The following SKA2 variants were observed in gnomAD, a reference collection of about 807,000 sequenced individuals.
The protein encoded by SKA2 is spindle and kinetochore associated complex subunit 2, also known as spindle and kinetochore-associated protein 2.
A neutral mutation model predicts 16.9 loss-of-function variants in SKA2; 13 were observed. The observed-to-expected ratio is 0.77, with a 90% CI of 0.50 to 1.22. SKA2 has a LOEUF of 1.22. SKA2 is among the 50% of genes most tolerant of loss of function. The pLI is 0.00. For missense variants in SKA2, 107 were observed against 139.7 expected, an observed-to-expected ratio of 0.77 and a Z score of 1.18; for synonymous variants, 47 against 48.5, an observed-to-expected ratio of 0.97 and a Z score of 0.13.
chr17:59,125,889 C>G (rs138555714), intron 2 of SKA2, among the ~76,000 whole-genome samples: 1,830 of 151,878 alleles, frequency 0.012, 18 homozygotes, highest in Middle Eastern at 0.041. Context: ...TTATGTTTCT[C>G]TGCCGGGCGT....
At chr17:59,125,147 A>ATTTT (rs10719455) in intron 2 of SKA2, among the ~76,000 whole-genome samples, 2 of 95,942 alleles carry the variant, frequency 2.1e-5, no homozygotes, top group African/African-American at 4.0e-5. Context: ...CTAATTTTGT[A>ATTTT]TTTTTTTTTT....
rs118106150 is a variant in SKA2 at position 59,144,739 on chromosome 17, G to A, written c.33+10392C>T. On this transcript the variant is annotated intron_variant, in intron 1 of 3. Transcript: ENST00000330137. ...GTAGTCTAAATCATAGAGACAGATA[G>A]TAGAATGGTAGTTGCTAGACGCTGG... Among the ~76,000 whole-genome samples, 29 of 152,288 alleles carry A rather than the reference G, an allele frequency of 1.9e-4. 1 individual carries two copies. The East Asian group carries it at 5.4e-3, about 28-fold the overall frequency.
chr17:59,126,262 T>G (rs561787974), intron 2 of SKA2, among the ~76,000 whole-genome samples: 5 of 152,172 alleles, frequency 3.3e-5, no homozygotes, highest in Non-Finnish European at 7.3e-5. Flanking sequence ...TAATAGAAAC[T>G]TATAGTTTCT....
intron 2 of SKA2, among the ~76,000 whole-genome samples, chr17:59,126,058 C>A (rs919271769): frequency 2.0e-5 from 3 of 151,950 alleles, no homozygotes; most frequent in Non-Finnish European, 4.4e-5. Context: ...GTAGTCCCAG[C>A]TACTCGGGAG....
At chr17:59,137,162 G>A (rs564421294) in intron 1 of SKA2, among the ~76,000 whole-genome samples, 37 of 152,118 alleles carry the variant, frequency 2.4e-4, no homozygotes, top group African/African-American at 8.0e-4. Context: ...GACTACAGAC[G>A]TGCACTACCA....
At chr17:59,141,132 C>A (rs536714137) in intron 1 of SKA2, among the ~76,000 whole-genome samples, 1 of 151,914 alleles carries the variant, frequency 6.6e-6, no homozygotes, top group Non-Finnish European at 1.5e-5. Flanking sequence ...GGCACAGTGG[C>A]GCATGCCTAT....
chr17:59,138,277 A>AT (rs1568308298), intron 1 of SKA2, among the ~76,000 whole-genome samples: 1 of 151,786 alleles, frequency 6.6e-6, no homozygotes, highest in Admixed American at 6.6e-5. Flanking sequence ...TAGATTTCTG[A>AT]TTTTTTCCTC....
intron 1 of SKA2, among the ~76,000 whole-genome samples, chr17:59,145,983 C>T (rs2046529259): frequency 6.7e-6 from 1 of 149,842 alleles, no homozygotes; most frequent in South Asian, 2.1e-4. Flanking sequence ...GAGTGAGACC[C>T]TATCTCAAAA....
At chr17:59,143,853 A>G (rs564706529) in intron 1 of SKA2, among the ~76,000 whole-genome samples, 1 of 152,308 alleles carries the variant, frequency 6.6e-6, no homozygotes, top group Non-Finnish European at 1.5e-5. Flanking sequence ...ATATGAATTT[A>G]AAATGATTAA....
chr17:59,119,839 A>G (rs2046320782), intron 2 of SKA2, among the ~76,000 whole-genome samples: 1 of 152,198 alleles, frequency 6.6e-6, no homozygotes, highest in Non-Finnish European at 1.5e-5. Context: ...TCTAAATGCT[A>G]TTCAGAAGAA....
At chr17:59,143,161 G>A (rs9893031) in intron 1 of SKA2, among the ~76,000 whole-genome samples, 209 of 151,908 alleles carry the variant, frequency 1.4e-3, no homozygotes, top group African/African-American at 5.0e-3. Flanking sequence ...AATATATAAT[G>A]GTTTTAATCA....
chr17:59,121,369 G>A (rs1463796065), intron 2 of SKA2, among the ~76,000 whole-genome samples: 1 of 151,932 alleles, frequency 6.6e-6, no homozygotes, highest in African/African-American at 2.4e-5. Flanking sequence ...AGAAATCCCA[G>A]AAATGCCGGG....
rs2046410466 is a variant in SKA2 at position 59,131,326 on chromosome 17, C to G, written c.75G>C (p.Arg25Ser). ...GATTAGTCTTGATTTCATATTCCAG[C>G]CTGTATTGAATGTAATCCAGATCAG... ...AESDLDYIQYRLEYEIKTNHP... is the reference protein window; with the variant it reads ...AESDLDYIQYSLEYEIKTNHP... Residue 25 changes from arginine to serine, a missense_variant, in exon 2 of 4, where the codon AGG becomes AGC. Transcript: ENST00000330137. 4 of 1,582,132 alleles carry G rather than the reference C, an allele frequency of 2.5e-6. No homozygotes were observed. The highest frequency in any genetic ancestry group is 1.2e-5 in the South Asian group (1 of 86,402).
chr17:59,121,528 G>A (rs2046333789), intron 2 of SKA2, among the ~76,000 whole-genome samples: 1 of 150,756 alleles, frequency 6.6e-6, no homozygotes, highest in Non-Finnish European at 1.5e-5. Flanking sequence ...TGTGGTGGGC[G>A]CCTGTAGTCC....
chr17:59,127,997 C>T (rs1393850665), intron 2 of SKA2, among the ~76,000 whole-genome samples: 2 of 151,958 alleles, frequency 1.3e-5, no homozygotes, highest in African/African-American at 2.4e-5. Flanking sequence ...GTGGGTGGAT[C>T]ATGAGGTCAG....
chr17:59,138,183 T>C (rs375615130), intron 1 of SKA2, among the ~76,000 whole-genome samples: 3 of 152,030 alleles, frequency 2.0e-5, no homozygotes, highest in African/African-American at 4.8e-5. Context: ...AAAAGTGGTA[T>C]ATAAAATACA....
intron 2 of SKA2, among the ~76,000 whole-genome samples, chr17:59,125,134 T>C (rs1257198680): frequency 2.0e-5 from 3 of 147,090 alleles, no homozygotes; most frequent in Admixed American, 6.9e-5. Flanking sequence ...CCACTACGCC[T>C]GGCTAATTTT....
At chr17:59,147,261 C>T (rs543217243) in intron 1 of SKA2, among the ~76,000 whole-genome samples, 1 of 151,952 alleles carries the variant, frequency 6.6e-6, no homozygotes, top group Non-Finnish European at 1.5e-5. Context: ...CAAAATCCTA[C>T]CCACTATTCT....
intron 1 of SKA2, among the ~76,000 whole-genome samples, chr17:59,149,235 T>C (rs2046558329): frequency 6.6e-6 from 1 of 152,140 alleles, no homozygotes; most frequent in Admixed American, 6.5e-5. Context: ...GACATACTCA[T>C]GGCGACTCAC....
Sources: gnomAD v4.1 joint callset for allele counts (sites outside exome capture counted in the v4.1 genomes callset) on GRCh38, gnomAD v4.1.1 for gene constraint, MANE v1.5 for transcripts, NCBI Gene and HGNC (gene_info 2026-07-23, HGNC 2026-07-21) for gene names.